PCDHGB1: variants seen among roughly 807,000 people sequenced by gnomAD.
PCDHGB1 encodes the protein protocadherin gamma subfamily B, 1, also known as protocadherin gamma-B1.
In PCDHGB1, 34 loss-of-function variants were observed where a neutral mutation model predicts 56.6. That is an observed-to-expected ratio of 0.60 (90% CI 0.46 to 0.80). The LOEUF (loss-of-function observed/expected upper bound fraction) is 0.80, where lower values mean the gene tolerates loss of function less well. Ranked by LOEUF, PCDHGB1 falls within the 30% of genes least tolerant of loss-of-function variation. The pLI, the probability that PCDHGB1 is intolerant of heterozygous loss-of-function variation, is 0.00. For missense variants in PCDHGB1, 1,278 were observed against 1,204.6 expected (o/e 1.06, Z -0.90); for synonymous variants, 561 against 505.9 (o/e 1.11, Z -1.46).
intron 1 of PCDHGB1, chr5:141,366,551 G>A (rs372327694): frequency 1.2e-6 from 2 of 1,614,148 alleles, no homozygotes; most frequent in African/African-American, 2.7e-5. Context: ...CTCGCACTTT[G>A]TGGGCGTGGA....
intron 1 of PCDHGB1, among the ~76,000 whole-genome samples, chr5:141,445,793 CAG>C (rs1466260011): frequency 6.6e-6 from 1 of 152,132 alleles, no homozygotes; most frequent in Admixed American, 6.5e-5. Context: ...AGGCTAGAAA[CAG>C]AAAATAAATA....
At chr5:141,368,431 A>G (rs376859316) in intron 1 of PCDHGB1, among the ~76,000 whole-genome samples, 2 of 152,264 alleles carry the variant, frequency 1.3e-5, no homozygotes, top group African/African-American at 4.8e-5. Flanking sequence ...TCTGACCAAA[A>G]TGTAAAATGT....
intron 1 of PCDHGB1, chr5:141,362,702 T>A: frequency 9.7e-7 from 1 of 1,031,990 alleles, no homozygotes; most frequent in Non-Finnish European, 1.4e-6. Flanking sequence ...AACTGAATTT[T>A]AAGTGTTTTC....
intron 1 of PCDHGB1, chr5:141,395,358 G>A: frequency 1.5e-6 from 2 of 1,346,158 alleles, no homozygotes; most frequent in Non-Finnish European, 9.9e-7. Context: ...ACAGAGTTTT[G>A]GGTTTATTTT....
Position 141,485,422 on chromosome 5 carries a change from C to G in PCDHGB1, c.2410-9385C>G, listed in dbSNP as rs775279056. 6.2e-7 allele frequency: 1 copy of G among 1,614,130 alleles called. No homozygotes were observed. Among genetic ancestry groups the G allele is most frequent in the East Asian group, 2.2e-5 (1 of 44,872 alleles). ...TCCGTGTGGATTTGGACAGCGGAGC[C>G]CTGCTCATCAAGAACCCAATCGACC... On this transcript the variant is annotated intron_variant, in intron 1 of 3. Transcript: ENST00000523390. The surrounding 1 kb of genome is among the most constrained non-coding windows in gnomAD (Gnocchi z 5.7).
intron 1 of PCDHGB1, among the ~76,000 whole-genome samples, chr5:141,460,317 A>G (rs1045494740): frequency 4.6e-5 from 7 of 152,260 alleles, no homozygotes; most frequent in African/African-American, 1.7e-4. Flanking sequence ...CTCCTTGCCT[A>G]CTGAAAACTT....
chr5:141,510,905 C>T lies in PCDHGB1; in HGVS notation c.2558-42C>T. 4 of 1,613,538 alleles carry T rather than the reference C, an allele frequency of 2.5e-6. No homozygotes were observed. In the South Asian group the frequency reaches 4.4e-5, roughly 18 times the overall value. ...GATATAAGACAGTGACTGTTGAGGA[C>T]CCTAAGTTTAGCTCCCACCTGATCT... On this transcript the variant is annotated intron_variant, in intron 3 of 3. Coordinates refer to ENST00000523390, the MANE Select transcript of PCDHGB1 (RefSeq NM_018922.3).
In PCDHGB1 at chr5:141,357,420, T is replaced by G. The variant is rs754113080; in HGVS notation, c.2409+4751T>G. 1.9e-6 allele frequency: 3 copies of G among 1,614,132 alleles called. No individual in the cohort carries two copies. The highest frequency in any genetic ancestry group is 1.3e-5 in the African/African-American group (1 of 74,956). On this transcript the variant is annotated intron_variant, in intron 1 of 3. Transcript: ENST00000523390. ...TGGCAGGTGTGCCTGCCTCGCACTTTGTGGGCGTGGACGGGGTTCGGGCTT... is the reference window on the plus strand; with the variant it reads ...TGGCAGGTGTGCCTGCCTCGCACTTGGTGGGCGTGGACGGGGTTCGGGCTT...
chr5:141,383,563 C>A, intron 1 of PCDHGB1: 2 of 1,613,150 alleles, frequency 1.2e-6, no homozygotes, highest in Non-Finnish European at 1.7e-6. Context: ...CGACCCGCCC[C>A]GATCCAGCAC....
intron 1 of PCDHGB1, among the ~76,000 whole-genome samples, chr5:141,461,391 G>A (rs1310387476): frequency 1.3e-5 from 2 of 152,058 alleles, no homozygotes; most frequent in East Asian, 1.9e-4. Context: ...GATGATTAGC[G>A]ATGTTGAGCA....
At chr5:141,440,631 A>C (rs1036203175) in intron 1 of PCDHGB1, 2 of 152,224 alleles carry the variant, frequency 1.3e-5, no homozygotes, top group African/African-American at 4.8e-5. Flanking sequence ...ATGTTGAGAG[A>C]AATTCCTTAC....
At chr5:141,399,795 G>C in intron 1 of PCDHGB1, 2 of 1,613,204 alleles carry the variant, frequency 1.2e-6, no homozygotes, top group Non-Finnish European at 1.7e-6. Context: ...ACAACGCACC[G>C]CGGGTGCTGT....
intron 1 of PCDHGB1, chr5:141,407,890 A>C (rs2094997846): frequency 2.5e-6 from 1 of 395,960 alleles, no homozygotes. Flanking sequence ...TCGGAGACCG[A>C]ATTCAAAATG....
chr5:141,421,537 T>C (rs11167744), intron 1 of PCDHGB1: 139,246 of 1,613,908 alleles, frequency 0.086, 6,702 homozygotes, highest in East Asian at 0.14. Context: ...GTCCTCCTGT[T>C]TTTTAAATAT....
intron 1 of PCDHGB1, among the ~76,000 whole-genome samples, chr5:141,459,101 C>A (rs1021289352): frequency 6.6e-6 from 1 of 152,192 alleles, no homozygotes; most frequent in Non-Finnish European, 1.5e-5. Context: ...CAGTGCAATG[C>A]ATTTTGACAA....
chr5:141,511,632 G>A lies in PCDHGB1; in HGVS notation c.*459G>A, dbSNP rs1388627906. The A allele has an allele frequency of 8.6e-6, 2 of 231,934 alleles. No homozygotes were observed. The highest frequency in any genetic ancestry group is 5.1e-5 in the Admixed American group (1 of 19,634). 14.4% of individuals were successfully genotyped at this position (231,934 alleles called of 1,614,324 possible). A position where few individuals can be genotyped will look rare whatever the true frequency, so the allele number is the denominator to read the frequency against. On this transcript the variant is annotated 3_prime_UTR_variant, in exon 4 of 4. Transcript: ENST00000523390. ...CCTCCTAGTTCTGAAAAGTTGGAAG[G>A]GCATCATGACCTCTTGGCCTCTCCT...
At chr5:141,454,721 A>G (rs2098797156) in intron 1 of PCDHGB1, among the ~76,000 whole-genome samples, 1 of 146,810 alleles carries the variant, frequency 6.8e-6, no homozygotes, top group South Asian at 2.2e-4. Flanking sequence ...ATTCCATATT[A>G]TATGTTATAG....
chr5:141,494,306 T>G (rs1432951954), intron 1 of PCDHGB1, among the ~76,000 whole-genome samples: 1 of 152,212 alleles, frequency 6.6e-6, no homozygotes, highest in Non-Finnish European at 1.5e-5. Flanking sequence ...AATGTGTCAC[T>G]GCACAACCTG....
intron 1 of PCDHGB1, among the ~76,000 whole-genome samples, chr5:141,382,076 G>T (rs185685959): frequency 6.6e-6 from 1 of 152,032 alleles, no homozygotes; most frequent in Non-Finnish European, 1.5e-5. Context: ...TGATCCGCCC[G>T]CCTCGGCCTC....
Sources: allele counts gnomAD v4.1 joint callset (sites outside exome capture counted in the v4.1 genomes callset), GRCh38; gene constraint gnomAD v4.1.1; non-coding constraint Gnocchi (gnomAD v3.1); transcripts MANE v1.5; gene names NCBI Gene and HGNC (gene_info 2026-07-23, HGNC 2026-07-21).